Variants in WAPL observed in about 807,000 individuals in gnomAD.
The protein encoded by WAPL is WAPL cohesin release factor.
Under a neutral mutation model 121.0 loss-of-function variants are expected in WAPL, and 5 were observed. The observed-to-expected ratio is 0.04, with a 90% confidence interval of 0.02 to 0.09. WAPL has a LOEUF of 0.09. WAPL is among the 10% of genes least tolerant of loss of function. The probability of loss-of-function intolerance (pLI) is 1.00; values close to 1 mark genes in which losing one functional copy is unlikely to be tolerated. For missense variants in WAPL, 999 were observed against 1,410.8 expected, an observed-to-expected ratio of 0.71 and a Z score of 4.68; for synonymous variants, 480 against 481.5, an observed-to-expected ratio of 1.00 and a Z score of 0.04.
intron 8 of WAPL, among the ~76,000 whole-genome samples, chr10:86,470,213 T>C (rs1047960525): frequency 5.3e-5 from 8 of 152,014 alleles, no homozygotes; most frequent in Non-Finnish European, 1.0e-4. Context: ...TTTGTATTTT[T>C]AGTAGAGTCA....
At chr10:86,478,817 G>A (rs761730922) in intron 4 of WAPL, among the ~76,000 whole-genome samples, 17 of 152,148 alleles carry the variant, frequency 1.1e-4, no homozygotes, top group African/African-American at 3.1e-4. Flanking sequence ...GGAAAAGGCC[G>A]GGCGTGGTGG....
chr10:86,448,671 G>A (rs1394649194), intron 15 of WAPL, among the ~76,000 whole-genome samples: 2 of 152,140 alleles, frequency 1.3e-5, no homozygotes, highest in African/African-American at 4.8e-5. Context: ...CTGGAGTGCA[G>A]TGGCAGGATC....
intron 15 of WAPL, among the ~76,000 whole-genome samples, chr10:86,450,962 C>T (rs1413436538): frequency 6.6e-6 from 1 of 152,192 alleles, no homozygotes; most frequent in Admixed American, 6.5e-5. Context: ...GGCTACTTTG[C>T]CACTTTCCAG....
intron 14 of WAPL, 137 bp from the exon 15 acceptor site, chr10:86,452,268 A>G: frequency 1.4e-6 from 1 of 734,130 alleles, no homozygotes; most frequent in Admixed American, 2.9e-5. Context: ...AAAAACCAGT[A>G]TGAAAGGCCA....
chr10:86,440,482 G>A (rs1013098587), intron 17 of WAPL, among the ~76,000 whole-genome samples: 5 of 151,560 alleles, frequency 3.3e-5, no homozygotes, highest in East Asian at 1.9e-4. Flanking sequence ...TAGTAGAGAC[G>A]GGGTTTCACC....
chr10:86,453,390 A>G, intron 13 of WAPL, 55 bp from the exon 14 acceptor site: 1 of 1,533,410 alleles, frequency 6.5e-7, no homozygotes, highest in Non-Finnish European at 9.0e-7. Flanking sequence ...TTAGAACACT[A>G]ATAATGGAGA....
chr10:86,453,258 A>G lies in WAPL; in HGVS notation c.2911T>C (p.Tyr971His). 1 of 1,614,158 alleles carries G rather than the reference A, an allele frequency of 6.2e-7. No individual in the cohort carries two copies. Among genetic ancestry groups the G allele is most frequent in the Non-Finnish European group, 8.5e-7 (1 of 1,180,026 alleles). ...ALNCVLQVPK[Y>H]LPQEQRFDIR... ...TCAAATCTCTGCTCCTGAGGTAGGT[A>G]CTTTGGAACCTGAAGCACACAGTTC... Residue 971 changes from tyrosine to histidine, a missense_variant, in exon 14 of 19, where the codon TAC (tyrosine) becomes CAC (histidine). Around this residue, in one of 7 missense-constraint regions of WAPL, gnomAD observed 85 missense variants for 133.5 expected, o/e 0.64. Coordinates refer to ENST00000298767, the MANE Select transcript of WAPL (RefSeq NM_015045.5).
In WAPL at chr10:86,499,918, C is replaced by A. The variant is rs774273952; in HGVS notation, c.1325G>T (p.Gly442Val). The stretch of plus-strand genomic sequence containing the variant: ...AATTTTGTAATTAGAACTTCCAGAA[C>A]CTCCTTCATCACCTCCTGTCTCATG... ...EDHETGGDEG[G>V]SGSSNYKIKY... Residue 442 changes from glycine to valine, a missense_variant, in exon 3 of 19, where the codon GGT becomes GTT. Coordinates refer to ENST00000298767, the MANE Select transcript of WAPL (RefSeq NM_015045.5). The A allele has an allele frequency of 6.2e-7, 1 of 1,614,086 alleles. No individual in the cohort carries two copies. Among genetic ancestry groups the A allele is most frequent in the Non-Finnish European group, 8.5e-7 (1 of 1,180,014 alleles).
chr10:86,508,758 CTTTTTTT>C (rs34530024), intron 2 of WAPL, among the ~76,000 whole-genome samples: 3 of 116,768 alleles, frequency 2.6e-5, no homozygotes, highest in East Asian at 5.0e-4. Flanking sequence ...ATTGAAAGTT[CTTTTTTT>C]TTTTTTTTTT....
intron 9 of WAPL, among the ~76,000 whole-genome samples, chr10:86,464,102 T>TA (rs1564569392): frequency 6.6e-6 from 1 of 152,200 alleles, no homozygotes; most frequent in Admixed American, 6.5e-5. Flanking sequence ...GCCATACCAA[T>TA]ATATTCAAGA....
chr10:86,464,634 G>A (rs1054217194), intron 9 of WAPL, among the ~76,000 whole-genome samples: 6 of 152,176 alleles, frequency 3.9e-5, no homozygotes, highest in Admixed American at 3.9e-4. Context: ...TTCAGTTCGA[G>A]ACCAGTTTAG....
chr10:86,465,216 G>A (rs545173086), intron 9 of WAPL, among the ~76,000 whole-genome samples: 37 of 152,142 alleles, frequency 2.4e-4, no homozygotes, highest in South Asian at 2.1e-3. Flanking sequence ...TTTTGGAGAC[G>A]TAGTCTTGCT....
At chr10:86,458,023 T>C (rs1254685673) in intron 12 of WAPL, among the ~76,000 whole-genome samples, 1 of 152,262 alleles carries the variant, frequency 6.6e-6, no homozygotes, top group Non-Finnish European at 1.5e-5. Flanking sequence ...ACACTATTTA[T>C]ATTTGAATTC....
intron 15 of WAPL, among the ~76,000 whole-genome samples, chr10:86,446,898 G>A (rs1218119819): frequency 6.6e-6 from 1 of 152,188 alleles, no homozygotes; most frequent in Non-Finnish European, 1.5e-5. Context: ...AAAATCAAAT[G>A]CCAAGTAGAC....
At chr10:86,483,856 G>A (rs768950909) in intron 4 of WAPL, among the ~76,000 whole-genome samples, 2 of 133,936 alleles carry the variant, frequency 1.5e-5, no homozygotes, top group Non-Finnish European at 1.5e-5. Flanking sequence ...GTACAGTGGC[G>A]CGATCTCGGC....
chr10:86,479,953 C>G (rs969430149), intron 4 of WAPL, among the ~76,000 whole-genome samples: 7 of 152,160 alleles, frequency 4.6e-5, no homozygotes, highest in Non-Finnish European at 8.8e-5. Context: ...TTACAACTTC[C>G]TTTTAAGCAT....
At chr10:86,505,987 T>C (rs1842341752) in intron 2 of WAPL, among the ~76,000 whole-genome samples, 1 of 152,190 alleles carries the variant, frequency 6.6e-6, no homozygotes, top group Non-Finnish European at 1.5e-5. Flanking sequence ...CCAGAAGCAC[T>C]GGTTCATGAC....
intron 16 of WAPL, among the ~76,000 whole-genome samples, chr10:86,444,487 G>T (rs1050815586): frequency 6.6e-6 from 1 of 152,170 alleles, no homozygotes; most frequent in African/African-American, 2.4e-5. Flanking sequence ...AATATTATTT[G>T]TCTAAGGAAT....
chr10:86,481,231 T>C (rs994405499), intron 4 of WAPL, among the ~76,000 whole-genome samples: 2 of 151,694 alleles, frequency 1.3e-5, no homozygotes, highest in Non-Finnish European at 2.9e-5. Context: ...AGAAAAAAAA[T>C]CTAAAACCAA....
Sources: gnomAD v4.1 joint callset for allele counts (sites outside exome capture counted in the v4.1 genomes callset) on GRCh38, gnomAD v4.1.1 for gene constraint, gnomAD v4.1.1 regional missense constraint, MANE v1.5 for transcripts, NCBI Gene and HGNC (gene_info 2026-07-23, HGNC 2026-07-21) for gene names.